The following RAPGEF5 variants were observed in gnomAD, a reference collection of about 807,000 sequenced individuals.
RAPGEF5 encodes M-Ras-regulated GEF.
RAPGEF5 carries 65 observed loss-of-function variants against 125.2 expected under a neutral mutation model. The ratio of observed to expected loss-of-function variants is 0.52; its 90% CI spans 0.43 to 0.64. RAPGEF5 has a LOEUF of 0.64. Ranked by LOEUF, RAPGEF5 falls within the 30% of genes least tolerant of loss-of-function variation. The pLI is 0.00. For missense variants in RAPGEF5, 958 were observed against 1,048.1 expected (o/e 0.91, Z 1.19); for synonymous variants, 391 against 385.9 (o/e 1.01, Z -0.16).
intron 1 of RAPGEF5, among the ~76,000 whole-genome samples, chr7:22,350,269 G>A (rs1051156244): frequency 1.3e-5 from 2 of 152,178 alleles, no homozygotes; most frequent in African/African-American, 4.8e-5. Flanking sequence ...AAGAGAAAGT[G>A]CAAGTATGAA....
At chr7:22,284,719 C>T (rs1782756712) in intron 6 of RAPGEF5, among the ~76,000 whole-genome samples, 1 of 152,148 alleles carries the variant, frequency 6.6e-6, no homozygotes, top group Non-Finnish European at 1.5e-5. Context: ...CTTTGAATAG[C>T]CATGTCTGAT....
intron 20 of RAPGEF5, among the ~76,000 whole-genome samples, chr7:22,142,185 A>T (rs939972019): frequency 2.0e-5 from 3 of 152,170 alleles, no homozygotes; most frequent in Non-Finnish European, 1.5e-5. Flanking sequence ...TCACCTTAGG[A>T]TATGATGGAG....
intron 1 of RAPGEF5, chr7:22,355,897 C>T (rs958337856): frequency 7.5e-6 from 7 of 936,156 alleles, no homozygotes; most frequent in Admixed American, 6.2e-5. Context: ...TACAGCCAAA[C>T]GGGAAAGAAA....
At chr7:22,157,599 C>T (rs1783849787) in intron 15 of RAPGEF5, among the ~76,000 whole-genome samples, 1 of 152,096 alleles carries the variant, frequency 6.6e-6, no homozygotes, top group Non-Finnish European at 1.5e-5. Context: ...GCAGGGAGTC[C>T]CAAGACTCTA....
intron 9 of RAPGEF5, among the ~76,000 whole-genome samples, chr7:22,202,732 C>T (rs1562759368): frequency 1.3e-5 from 2 of 152,146 alleles, no homozygotes; most frequent in South Asian, 4.1e-4. Context: ...AAAGAACTTA[C>T]AGCCTGAATC....
chr7:22,162,921 G>T (rs1347467202), intron 12 of RAPGEF5: 8 of 459,526 alleles, frequency 1.7e-5, no homozygotes, highest in Non-Finnish European at 3.1e-5. Context: ...TACATTTTAG[G>T]TCAGAATGAG....
At chr7:22,214,542 A>G (rs1249107352) in intron 9 of RAPGEF5, among the ~76,000 whole-genome samples, 2 of 152,234 alleles carry the variant, frequency 1.3e-5, no homozygotes, top group African/African-American at 2.4e-5. Flanking sequence ...TAGTGCAGCT[A>G]TATTCCTGGA....
intron 5 of RAPGEF5, among the ~76,000 whole-genome samples, chr7:22,293,659 G>A (rs990205097): frequency 6.6e-6 from 1 of 151,926 alleles, no homozygotes; most frequent in East Asian, 1.9e-4. Context: ...TCTAGAATTC[G>A]GAAATGCTCT....
chr7:22,327,856 T>C (rs1783844712), intron 1 of RAPGEF5, among the ~76,000 whole-genome samples: 1 of 152,230 alleles, frequency 6.6e-6, no homozygotes. Flanking sequence ...TTTGGTTCAG[T>C]AGGTCTGGGG....
At chr7:22,335,930 T>C (rs1309501903) in intron 1 of RAPGEF5, among the ~76,000 whole-genome samples, 2 of 152,222 alleles carry the variant, frequency 1.3e-5, no homozygotes, top group Admixed American at 6.5e-5. Context: ...AGACAACCTT[T>C]GGTCATATTT....
At chr7:22,289,947 G>C (rs1300446907) in intron 6 of RAPGEF5, among the ~76,000 whole-genome samples, 1 of 152,148 alleles carries the variant, frequency 6.6e-6, no homozygotes, top group East Asian at 1.9e-4. Context: ...CAACAGGATT[G>C]TAAGTTTCCT....
chr7:22,315,358 A>G lies in RAPGEF5; in HGVS notation c.389+12T>C. ...AGAGAATTTCTGACAAGGTGTTAGAAAACTGTGTTACCTGTAAAACCCCTT... is the reference window on the plus strand; with the variant it reads ...AGAGAATTTCTGACAAGGTGTTAGAGAACTGTGTTACCTGTAAAACCCCTT... On this transcript the variant is annotated intron_variant, in intron 3 of 25. Transcript: ENST00000665637. 2.6e-6 allele frequency: 4 copies of G among 1,538,466 alleles called. No homozygotes were observed. The highest frequency in any genetic ancestry group is 1.2e-5 in the South Asian group (1 of 83,078).
rs57653564 is a variant in RAPGEF5 at position 22,305,656 on chromosome 7, T to A, written c.680+2683A>T. Among the ~76,000 whole-genome samples, 633 of 152,328 alleles carry A rather than the reference T, an allele frequency of 4.2e-3. 7 individuals carry two copies. The highest frequency in any genetic ancestry group is 0.015 in the African/African-American group (610 of 41,562). ...ATCAAAGAGTGGGCCTTATTCATTC[T>A]TTCTAACGTTTTTTTGGTACCCATT... On this transcript the variant is annotated intron_variant, in intron 5 of 25. Coordinates refer to ENST00000665637, the MANE Select transcript of RAPGEF5 (RefSeq NM_012294.5).
chr7:22,176,782 C>T (rs187644521), intron 11 of RAPGEF5, among the ~76,000 whole-genome samples: 5 of 152,308 alleles, frequency 3.3e-5, no homozygotes, highest in African/African-American at 7.2e-5. Context: ...CCACCCACCT[C>T]GGCCTCCCAA....
chr7:22,278,313 C>T (rs1277438734), intron 6 of RAPGEF5, among the ~76,000 whole-genome samples: 1 of 152,162 alleles, frequency 6.6e-6, no homozygotes, highest in Non-Finnish European at 1.5e-5. Context: ...ATGGAGCTAA[C>T]CTGAATTATC....
At chr7:22,166,822 A>G (rs562483754) in intron 12 of RAPGEF5, among the ~76,000 whole-genome samples, 5 of 152,344 alleles carry the variant, frequency 3.3e-5, no homozygotes, top group Admixed American at 3.3e-4. Flanking sequence ...TGAGGCACAG[A>G]TGTGAAGCGA....
chr7:22,140,771 A>G (rs1783232866), intron 20 of RAPGEF5, among the ~76,000 whole-genome samples: 1 of 152,124 alleles, frequency 6.6e-6, no homozygotes, highest in African/African-American at 2.4e-5. Flanking sequence ...TCAACATTCC[A>G]CTAATTTCCA....
chr7:22,242,877 G>A (rs1423377270), intron 7 of RAPGEF5, among the ~76,000 whole-genome samples: 1 of 149,916 alleles, frequency 6.7e-6, no homozygotes, highest in Admixed American at 6.7e-5. Context: ...AATCCAGGAG[G>A]CAGAGGTTGC....
chr7:22,125,561 C>T (rs113072834), intron 25 of RAPGEF5, 43 bp downstream of exon 25: 193 of 1,549,852 alleles, frequency 1.2e-4, no homozygotes, highest in South Asian at 1.2e-3. Context: ...TTGGTACCAA[C>T]GTAGAGTCAA....
Sources: allele counts gnomAD v4.1 joint callset (sites outside exome capture counted in the v4.1 genomes callset), GRCh38; gene constraint gnomAD v4.1.1; transcripts MANE v1.5; gene names NCBI Gene and HGNC (gene_info 2026-07-23, HGNC 2026-07-21).